The following SAXO1 variants were observed in gnomAD, a reference collection of about 807,000 sequenced individuals.
SAXO1 encodes stabilizer of axonemal microtubules 1.
In SAXO1, 21 loss-of-function variants were observed where a neutral mutation model predicts 17.5. The ratio of observed to expected loss-of-function variants is 1.20; its 90% CI spans 0.85 to 1.72. The LOEUF is 1.72. Ranked by LOEUF, SAXO1 falls within the 40% of genes most tolerant of loss-of-function variation. The pLI, the probability that SAXO1 is intolerant of heterozygous loss-of-function variation, is 0.00. For synonymous variants in SAXO1, 274 were observed against 216.5 expected, an observed-to-expected ratio of 1.27 and a Z score of -2.33; for missense variants, 843 against 596.0, an observed-to-expected ratio of 1.41 and a Z score of -4.32.
intron 3 of SAXO1, among the ~76,000 whole-genome samples, chr9:18,931,234 A>G (rs1484222542): frequency 1.3e-5 from 2 of 152,086 alleles, no homozygotes; most frequent in African/African-American, 4.8e-5. Context: ...ATAACTGCGC[A>G]TTTTTTGGAC....
At chr9:18,936,154 C>T (rs1051658395) in intron 3 of SAXO1, among the ~76,000 whole-genome samples, 4 of 152,146 alleles carry the variant, frequency 2.6e-5, no homozygotes, top group African/African-American at 9.7e-5. Context: ...TCCAGAAGTC[C>T]TGATACCACC....
At chr9:18,938,817 C>CGTGT (rs1554667827) in intron 3 of SAXO1, among the ~76,000 whole-genome samples, 1 of 63,414 alleles carries the variant, frequency 1.6e-5, no homozygotes, top group African/African-American at 6.6e-5. Flanking sequence ...TGCATGCGTG[C>CGTGT]GTGCGTGTGT....
chr9:19,017,729 C>G (rs1835045127), intron 1 of SAXO1, among the ~76,000 whole-genome samples: 1 of 152,222 alleles, frequency 6.6e-6, no homozygotes, highest in African/African-American at 2.4e-5. Flanking sequence ...TTTCCCTGGT[C>G]CATCATTTAA....
At chr9:18,984,623 A>C (rs1486619977) in intron 1 of SAXO1, among the ~76,000 whole-genome samples, 2 of 152,014 alleles carry the variant, frequency 1.3e-5, no homozygotes, top group African/African-American at 2.4e-5. Context: ...CAGCTTCCTC[A>C]CCTCTTTCAG....
At chr9:18,946,762 GCCAT>G (rs1383490214) in intron 2 of SAXO1, among the ~76,000 whole-genome samples, 3 of 152,132 alleles carry the variant, frequency 2.0e-5, no homozygotes, top group Non-Finnish European at 2.9e-5. Flanking sequence ...GCAAAGTAAG[GCCAT>G]AATGAATTAA....
intron 1 of SAXO1, among the ~76,000 whole-genome samples, chr9:19,024,707 T>C (rs1173307701): frequency 6.6e-6 from 1 of 151,996 alleles, no homozygotes; most frequent in Non-Finnish European, 1.5e-5. Context: ...GGCTACCCCA[T>C]CCCAAAGCGC....
chr9:19,041,161 G>GAAAAAAAA (rs35085745), intron 1 of SAXO1, among the ~76,000 whole-genome samples: 1 of 73,036 alleles, frequency 1.4e-5, no homozygotes, highest in Admixed American at 1.6e-4. Flanking sequence ...TGAACAATCT[G>GAAAAAAAA]AAAAAAAAAA....
intron 1 of SAXO1, among the ~76,000 whole-genome samples, chr9:18,986,221 T>G (rs1833587501): frequency 6.6e-6 from 1 of 151,878 alleles, no homozygotes; most frequent in African/African-American, 2.4e-5. Context: ...CATTCATTTA[T>G]TCATTTAACA....
At chr9:18,977,993 C>CAAAAAAAAA (rs371914686) in intron 1 of SAXO1, among the ~76,000 whole-genome samples, 16 of 98,654 alleles carry the variant, frequency 1.6e-4, no homozygotes, top group African/African-American at 5.9e-4. Context: ...GAGACCCTGC[C>CAAAAAAAAA]AAAAAAAAAA....
At chr9:18,983,057 G>A (rs1833461264) in intron 1 of SAXO1, among the ~76,000 whole-genome samples, 1 of 151,958 alleles carries the variant, frequency 6.6e-6, no homozygotes, top group Admixed American at 6.6e-5. Context: ...ACCATTAGCA[G>A]AGAGGTTATT....
intron 1 of SAXO1, among the ~76,000 whole-genome samples, chr9:18,976,622 G>C (rs975400790): frequency 6.6e-5 from 10 of 151,796 alleles, no homozygotes; most frequent in African/African-American, 2.4e-4. Context: ...TTGTAACTAT[G>C]GGAAAGACTT....
intron 1 of SAXO1, among the ~76,000 whole-genome samples, chr9:18,964,245 G>A (rs980824172): frequency 3.3e-5 from 5 of 152,100 alleles, no homozygotes; most frequent in African/African-American, 1.2e-4. Context: ...TTTTTGTTGT[G>A]TCTCTGCCAG....
At chr9:19,004,854 C>T (rs1234914866) in intron 1 of SAXO1, among the ~76,000 whole-genome samples, 2 of 151,970 alleles carry the variant, frequency 1.3e-5, no homozygotes, top group Non-Finnish European at 2.9e-5. Context: ...TACGCTAGAA[C>T]TTAGAGTAAA....
At chr9:19,033,791 G>A (rs1012255941), upstream of SAXO1, among the ~76,000 whole-genome samples, 1 of 152,170 alleles carries the variant, frequency 6.6e-6, no homozygotes, top group Admixed American at 6.5e-5. Flanking sequence ...AAACCAGATT[G>A]CCAGACCCCA....
chr9:18,969,675 C>G (rs951132087), intron 1 of SAXO1, among the ~76,000 whole-genome samples: 1 of 151,920 alleles, frequency 6.6e-6, no homozygotes, highest in Non-Finnish European at 1.5e-5. Context: ...CAGCTAAGCA[C>G]AATGCCTGGA....
At chr9:18,960,205 G>A (rs1032119012) in intron 1 of SAXO1, among the ~76,000 whole-genome samples, 28 of 152,326 alleles carry the variant, frequency 1.8e-4, no homozygotes, top group Admixed American at 9.8e-4. Flanking sequence ...AGGTACAATT[G>A]GTGAAGCCAT....
At chr9:18,993,753 G>C (rs538693943) in intron 1 of SAXO1, among the ~76,000 whole-genome samples, 1 of 152,232 alleles carries the variant, frequency 6.6e-6, no homozygotes, top group East Asian at 1.9e-4. Flanking sequence ...CCCTAGGCTG[G>C]GGGGTTCTCA....
chr9:18,941,844 A>C lies in SAXO1; in HGVS notation c.219-5T>G, dbSNP rs781404089. 25 of 1,614,000 alleles carry C rather than the reference A, an allele frequency of 1.5e-5. No individual in the cohort carries two copies. Among genetic ancestry groups the C allele is most frequent in the Non-Finnish European group, 1.7e-6 (2 of 1,180,010 alleles). On this transcript the variant is annotated splice_region_variant and splice_polypyrimidine_tract_variant and intron_variant, in intron 2 of 3. Coordinates refer to ENST00000380534, the MANE Select transcript of SAXO1 (RefSeq NM_153707.4). ...TTGTGAGGCCCAAAATCTCTCCTGT[A>C]AGGAAGCAAGTGCATGCTGTTGGGG... is the stretch of plus-strand genomic sequence containing the variant.
At chr9:18,982,625 C>T (rs1257589682) in intron 1 of SAXO1, among the ~76,000 whole-genome samples, 1 of 152,188 alleles carries the variant, frequency 6.6e-6, no homozygotes, top group African/African-American at 2.4e-5. Flanking sequence ...GGAGGGAGAG[C>T]AATAAGCTGA....
Sources: gnomAD v4.1 joint callset for allele counts (sites outside exome capture counted in the v4.1 genomes callset) on GRCh38, gnomAD v4.1.1 for gene constraint, MANE v1.5 for transcripts, NCBI Gene and HGNC (gene_info 2026-07-23, HGNC 2026-07-21) for gene names.